PHF24: variants seen among roughly 807,000 people sequenced by gnomAD.
PHF24 encodes the protein PHD finger protein 24.
Under a neutral mutation model 42.6 loss-of-function variants are expected in PHF24, and 25 were observed. The ratio of observed to expected loss-of-function variants is 0.59; its 90% confidence interval spans 0.43 to 0.82. PHF24 has a LOEUF of 0.82. PHF24 is among the 40% of genes least tolerant of loss of function. The pLI, the probability that PHF24 is intolerant of heterozygous loss-of-function variation, is 0.00. For missense variants in PHF24, 470 were observed against 538.1 expected (o/e 0.87, Z 1.25); for synonymous variants, 185 against 204.8 (o/e 0.90, Z 0.83).
chr9:34,885,977 C>A, the PHF24 span, among the ~76,000 whole-genome samples: 1 of 151,946 alleles, frequency 6.6e-6, no homozygotes, highest in Non-Finnish European at 1.5e-5. Flanking sequence ...CCTCACTCGT[C>A]CCTCTGGGTC....
At chr9:34,783,714 A>G in the PHF24 span, among the ~76,000 whole-genome samples, 82,942 of 152,072 alleles carry the variant, frequency 0.55, 24,152 homozygotes, top group Middle Eastern at 0.65. Flanking sequence ...CAGTTTCCTG[A>G]TATTATTTCC....
chr9:34,666,239 G>T, the PHF24 span: 1 of 159,760 alleles, frequency 6.3e-6, no homozygotes, highest in Non-Finnish European at 1.4e-5. Context: ...TCAGGTTTTG[G>T]AGCTACACCT....
the PHF24 span, among the ~76,000 whole-genome samples, chr9:34,687,049 G>A: frequency 6.6e-6 from 1 of 151,836 alleles, no homozygotes; most frequent in South Asian, 2.1e-4. Flanking sequence ...AGGATGGGTT[G>A]GTATGGTTGG....
At chr9:34,810,016 C>T in the PHF24 span, among the ~76,000 whole-genome samples, 1 of 145,612 alleles carries the variant, frequency 6.9e-6, no homozygotes, top group Admixed American at 6.8e-5. Context: ...GCCGCCCACG[C>T]GCCGCCGCCG....
At chr9:34,869,260 G>T in the PHF24 span, among the ~76,000 whole-genome samples, 1 of 152,082 alleles carries the variant, frequency 6.6e-6, no homozygotes, top group Non-Finnish European at 1.5e-5. Context: ...ATTCCTTTGG[G>T]TATGTACCCA....
the PHF24 span, among the ~76,000 whole-genome samples, chr9:34,740,451 A>G: frequency 1.2e-4 from 19 of 152,348 alleles, no homozygotes; most frequent in Non-Finnish European, 1.5e-4. Flanking sequence ...TGGGGGACCC[A>G]GTACACCCTC....
the PHF24 span, among the ~76,000 whole-genome samples, chr9:34,745,545 T>G: frequency 2.6e-5 from 4 of 152,032 alleles, no homozygotes; most frequent in East Asian, 7.8e-4. Context: ...CATGTGAAAT[T>G]ATTTGAGCAC....
chr9:34,883,929 A>G, the PHF24 span, among the ~76,000 whole-genome samples: 4 of 152,210 alleles, frequency 2.6e-5, no homozygotes, highest in African/African-American at 7.2e-5. Context: ...TGTTTATTGC[A>G]GCACTATTCA....
At chr9:34,709,670 G>C in the PHF24 span, 4 of 1,614,054 alleles carry the variant, frequency 2.5e-6, no homozygotes, top group Non-Finnish European at 3.4e-6. Context: ...GAGAGCGCTT[G>C]CGGGGCAAGA....
intron 1 of PHF24, among the ~76,000 whole-genome samples, chr9:34,970,986 T>G (rs111899275): frequency 1.1e-4 from 16 of 152,202 alleles, no homozygotes; most frequent in African/African-American, 3.9e-4. Flanking sequence ...GGCAAGGTGG[T>G]AGGCCTGTGA....
chr9:34,809,694 A>G, the PHF24 span, among the ~76,000 whole-genome samples: 1 of 152,250 alleles, frequency 6.6e-6, no homozygotes, highest in African/African-American at 2.4e-5. The surrounding 1 kb of genome is among the most constrained non-coding windows in gnomAD (Gnocchi z 4.1). Flanking sequence ...CCTTACGGGC[A>G]GGAGCGGAAC....
At chr9:34,922,105 CT>C in the PHF24 span, 6 of 1,231,012 alleles carry the variant, frequency 4.9e-6, no homozygotes, top group South Asian at 7.5e-5. Flanking sequence ...TTGTAAACAA[CT>C]ATTTGTGGGA....
the PHF24 span, among the ~76,000 whole-genome samples, chr9:34,934,982 T>C: frequency 1.5e-4 from 23 of 152,148 alleles, no homozygotes; most frequent in Admixed American, 1.4e-3. Flanking sequence ...TGCCGACCCC[T>C]GAAAGGATGT....
the PHF24 span, among the ~76,000 whole-genome samples, chr9:34,887,711 C>A: frequency 6.6e-6 from 1 of 152,134 alleles, no homozygotes; most frequent in African/African-American, 2.4e-5. Flanking sequence ...TCTCTAATCC[C>A]ATTACCCTGA....
the PHF24 span, among the ~76,000 whole-genome samples, chr9:34,854,414 T>A: frequency 6.6e-6 from 1 of 152,176 alleles, no homozygotes; most frequent in Non-Finnish European, 1.5e-5. Context: ...GGGCATTTAG[T>A]ACTATAAATT....
the PHF24 span, among the ~76,000 whole-genome samples, chr9:34,806,273 A>T: frequency 6.6e-6 from 1 of 152,042 alleles, no homozygotes; most frequent in Non-Finnish European, 1.5e-5. Flanking sequence ...GGATTCTGGG[A>T]GGCATTGTTT....
chr9:34,673,246 C>T, the PHF24 span, among the ~76,000 whole-genome samples: 1 of 151,552 alleles, frequency 6.6e-6, no homozygotes, highest in African/African-American at 2.4e-5. Flanking sequence ...GTCCCAGCTA[C>T]TCGAGAGATG....
At chr9:34,957,064 C>T (rs1826391861), upstream of PHF24, among the ~76,000 whole-genome samples, 1 of 152,152 alleles carries the variant, frequency 6.6e-6, no homozygotes, top group African/African-American at 2.4e-5. Context: ...TAGACTCCCT[C>T]AAAGGGATGG....
chr9:34,839,057 G>A, the PHF24 span, among the ~76,000 whole-genome samples: 6 of 152,342 alleles, frequency 3.9e-5, no homozygotes, highest in Non-Finnish European at 7.3e-5. Context: ...GTGGTAGGGT[G>A]ATAGGGAGAG....
Sources: allele counts gnomAD v4.1 joint callset (sites outside exome capture counted in the v4.1 genomes callset), GRCh38; gene constraint gnomAD v4.1.1; non-coding constraint Gnocchi (gnomAD v3.1); transcripts MANE v1.5; gene names NCBI Gene and HGNC (gene_info 2026-07-23, HGNC 2026-07-21).